SARNP: variants seen among roughly 807,000 people sequenced by gnomAD.
SARNP encodes SAP domain containing ribonucleoprotein, also known as SAP domain-containing ribonucleoprotein.
In SARNP, 5 loss-of-function variants were observed where a neutral mutation model predicts 38.1. The ratio of observed to expected loss-of-function variants is 0.13; its 90% CI spans 0.07 to 0.28. The LOEUF (loss-of-function observed/expected upper bound fraction) is 0.28, where lower values mean the gene tolerates loss of function less well. Among genes scored for constraint, SARNP ranks in the 10% least tolerant of loss-of-function variants. The probability of loss-of-function intolerance (pLI) is 1.00; values close to 1 mark genes in which losing one functional copy is unlikely to be tolerated. For missense variants in SARNP, 180 were observed against 243.9 expected (o/e 0.74, Z 1.75); for synonymous variants, 84 against 80.6 (o/e 1.04, Z -0.23).
intron 1 of SARNP, among the ~76,000 whole-genome samples, chr12:55,805,106 AC>A (rs973845891): frequency 1.7e-4 from 26 of 152,178 alleles, no homozygotes; most frequent in African/African-American, 5.8e-4. Flanking sequence ...TACTAAAAAT[AC>A]AAAAATTAGC....
intron 9 of SARNP, among the ~76,000 whole-genome samples, chr12:55,767,500 T>C (rs978187960): frequency 6.6e-6 from 1 of 151,510 alleles, no homozygotes; most frequent in African/African-American, 2.4e-5. Context: ...AGTGGGCCAT[T>C]GTCACGCCGC....
chr12:55,773,927 C>G (rs1380962285), intron 9 of SARNP, among the ~76,000 whole-genome samples: 1 of 152,026 alleles, frequency 6.6e-6, no homozygotes, highest in Non-Finnish European at 1.5e-5. Flanking sequence ...AGGCTGGTCC[C>G]GAACTCCTGA....
At chr12:55,782,283 T>C (rs1218936430) in intron 9 of SARNP, among the ~76,000 whole-genome samples, 1 of 152,240 alleles carries the variant, frequency 6.6e-6, no homozygotes, top group African/African-American at 2.4e-5. Context: ...CTCACATTCC[T>C]GGGGAAGGAG....
intron 9 of SARNP, among the ~76,000 whole-genome samples, chr12:55,786,393 C>G (rs776486419): frequency 6.6e-6 from 1 of 152,160 alleles, no homozygotes; most frequent in Non-Finnish European, 1.5e-5. Flanking sequence ...AGAACCAAGG[C>G]ACCCTTCCCC....
chr12:55,775,241 TA>T (rs375018386), intron 9 of SARNP, among the ~76,000 whole-genome samples: 280 of 118,556 alleles, frequency 2.4e-3, no homozygotes, highest in Non-Finnish European at 3.7e-3. Context: ...AGGTTAAAAT[TA>T]AAAAAAAAAA....
In SARNP at chr12:55,814,452, ACT is replaced by A. The variant is rs201896468; in HGVS notation, c.36+3212_36+3213del. Among the ~76,000 whole-genome samples the A allele has an allele frequency of 8.3e-3, 1,266 of 152,042 alleles. 9 individuals carry two copies. Among genetic ancestry groups the A allele is most frequent in the South Asian group, 0.021 (100 of 4,822 alleles). Reference sequence around the variant, plus strand: ...ATACAAATGTCTCACTATTCTCAACACTCTGACACTACTATCACTTTCTCCTC... The same window carrying A: ...ATACAAATGTCTCACTATTCTCAACACTGACACTACTATCACTTTCTCCTC... On this transcript the variant is annotated intron_variant, in intron 1 of 10. Transcript: ENST00000336133.
chr12:55,800,872 T>C lies in SARNP; in HGVS notation c.165A>G (p.Val55=), dbSNP rs1238716476. ...AACTCACCTCTGTTTCATCTCCCAG[T>C]ACATCTTCTTCATTTGCCTCCTCTT... ...HAEEEANEED[V]LGDETEEEET... is the part of the protein sequence containing the mutation. Residue 55 remains valine, a synonymous_variant, in exon 3 of 11, where the codon GTA becomes GTG. Transcript: ENST00000336133. 1.7e-5 allele frequency: 28 copies of C among 1,613,208 alleles called. No homozygotes were observed. The highest frequency in any genetic ancestry group is 2.3e-5 in the Non-Finnish European group (27 of 1,179,300).
intron 7 of SARNP, 70 bp from the exon 8 acceptor site, chr12:55,790,662 T>C: frequency 8.1e-6 from 11 of 1,359,766 alleles, no homozygotes; most frequent in Non-Finnish European, 1.1e-5. Context: ...TCAAGTCAAA[T>C]TAGGCAACAT....
chr12:55,802,859 G>A (rs1341204406), intron 2 of SARNP, among the ~76,000 whole-genome samples: 1 of 150,798 alleles, frequency 6.6e-6, no homozygotes, highest in Non-Finnish European at 1.5e-5. Context: ...ATCATTGAAT[G>A]CTATGCAGGA....
intron 5 of SARNP, among the ~76,000 whole-genome samples, chr12:55,795,122 G>A (rs1395519939): frequency 1.3e-5 from 2 of 151,972 alleles, no homozygotes; most frequent in Non-Finnish European, 2.9e-5. Context: ...ACTGTGCCCA[G>A]CTAATTTTTG....
intron 10 of SARNP, 148 bp from the exon 11 acceptor site, chr12:55,757,701 A>T (rs898891248): frequency 1.4e-5 from 8 of 585,078 alleles, no homozygotes; most frequent in Admixed American, 3.5e-5. Context: ...TAGAGATTTC[A>T]TTCCTGAATC....
intron 9 of SARNP, among the ~76,000 whole-genome samples, chr12:55,772,777 T>A (rs1243474816): frequency 1.3e-5 from 2 of 148,674 alleles, no homozygotes; most frequent in African/African-American, 5.0e-5. Flanking sequence ...TGCAATGGCA[T>A]GATCTCAGCT....
intron 2 of SARNP, among the ~76,000 whole-genome samples, chr12:55,801,428 G>A (rs1879976353): frequency 6.6e-6 from 1 of 152,082 alleles, no homozygotes; most frequent in African/African-American, 2.4e-5. Flanking sequence ...GGGTGACAGA[G>A]CAAGACCCAG....
In SARNP at chr12:55,757,492, A is replaced by G; in HGVS notation, c.*20T>C. On this transcript the variant is annotated 3_prime_UTR_variant, in exon 11 of 11. Transcript: ENST00000336133. ...AGAAATGGAAAACACTGGAGAACAG[A>G]AAGTATCAGGAACTTTTCATCAGGC... 6.2e-7 allele frequency: 1 copy of G among 1,600,786 alleles called. No homozygotes were observed. The highest frequency in any genetic ancestry group is 8.5e-7 in the Non-Finnish European group (1 of 1,173,924).
chr12:55,762,511 A>G (rs1310915786), intron 9 of SARNP: 4 of 152,002 alleles, frequency 2.6e-5, no homozygotes, highest in African/African-American at 9.7e-5. Flanking sequence ...ACCTCAGGTG[A>G]TCCGCCCACC....
At chr12:55,761,058 T>A (rs1296825568) in intron 9 of SARNP, among the ~76,000 whole-genome samples, 1 of 151,948 alleles carries the variant, frequency 6.6e-6, no homozygotes, top group Non-Finnish European at 1.5e-5. Context: ...GCGCCTGTAA[T>A]CCCAGCTACT....
intron 2 of SARNP, 85 bp from the exon 3 acceptor site, chr12:55,800,985 CT>C (rs891519261): frequency 2.6e-5 from 30 of 1,174,344 alleles, no homozygotes; most frequent in Middle Eastern, 1.9e-4. Flanking sequence ...AATCACTTTG[CT>C]TTCCCCCAAA....
intron 1 of SARNP, among the ~76,000 whole-genome samples, chr12:55,811,718 C>A (rs1227953152): frequency 1.3e-5 from 2 of 152,170 alleles, no homozygotes; most frequent in Non-Finnish European, 2.9e-5. Context: ...TCCTCCTCAG[C>A]CTCCTTGCTA....
chr12:55,778,278 T>C (rs1392871980), intron 9 of SARNP, among the ~76,000 whole-genome samples: 1 of 152,104 alleles, frequency 6.6e-6, no homozygotes. Context: ...TCCCGAGTAG[T>C]TGGGACTACA....
Sources: gnomAD v4.1 joint callset for allele counts (sites outside exome capture counted in the v4.1 genomes callset) on GRCh38, gnomAD v4.1.1 for gene constraint, MANE v1.5 for transcripts, NCBI Gene and HGNC (gene_info 2026-07-23, HGNC 2026-07-21) for gene names.